FBLN1: variants seen among roughly 807,000 people sequenced by gnomAD.
FBLN1 encodes the protein fibulin 1.
A neutral mutation model predicts 89.7 loss-of-function variants in FBLN1; 34 were observed. The ratio of observed to expected loss-of-function variants is 0.38; its 90% CI spans 0.29 to 0.50. The LOEUF is 0.50. Ranked by LOEUF, FBLN1 falls within the 20% of genes least tolerant of loss-of-function variation. FBLN1 has a pLI of 0.92. For synonymous variants in FBLN1, 393 were observed against 391.3 expected (o/e 1.00, Z -0.05); for missense variants, 777 against 988.1 (o/e 0.79, Z 2.86).
Position 45,580,950 on chromosome 22 carries a change from G to A in FBLN1, c.1972+3842G>A, listed in dbSNP as rs979802111. ...GCCCCCTTGCATTCCTCTTTAACCG[G>A]CTGTCAAAGAAAAATGAAGAATGCG... On this transcript the variant is annotated intron_variant, in intron 16 of 16. Coordinates refer to ENST00000327858, the MANE Select transcript of FBLN1 (RefSeq NM_006486.3). The surrounding 1 kb of genome is among the most constrained non-coding windows in gnomAD (Gnocchi z 8.6). Among the ~76,000 whole-genome samples the A allele has an allele frequency of 1.3e-5, 2 of 152,180 alleles. No individual in the cohort carries two copies. Among genetic ancestry groups the A allele is most frequent in the East Asian group, 3.9e-4 (2 of 5,190 alleles).
In FBLN1 at chr22:45,578,305, C is replaced by T. The variant is rs1047361369; in HGVS notation, c.1972+1197C>T. 6.6e-6 allele frequency: 1 copy of T among 152,238 alleles called. No individual in the cohort carries two copies. The highest frequency in any genetic ancestry group is 1.5e-5 in the Non-Finnish European group (1 of 68,030). 9.4% of individuals were successfully genotyped at this position (152,238 alleles called of 1,614,324 possible). A position where few individuals can be genotyped will look rare whatever the true frequency, so the allele number is the denominator to read the frequency against. ...CTTGCCAAAGAGCCATTTATAGCACCTTTACAAGCTTTTAAATGGGTTTGC... is the reference window on the plus strand; with the variant it reads ...CTTGCCAAAGAGCCATTTATAGCACTTTTACAAGCTTTTAAATGGGTTTGC... On this transcript the variant is annotated intron_variant, in intron 16 of 16. Coordinates refer to ENST00000327858, the MANE Select transcript of FBLN1 (RefSeq NM_006486.3). This position sits in a 1 kb window ranked among gnomAD's most constrained non-coding sequence, Gnocchi z 4.6.
At chr22:45,569,118 G>A (rs183816025) in intron 14 of FBLN1, among the ~76,000 whole-genome samples, 1 of 152,256 alleles carries the variant, frequency 6.6e-6, no homozygotes, top group East Asian at 1.9e-4. Context: ...TGAGGTACTG[G>A]GGATGGAACT....
At chr22:45,564,768 C>A (rs983886480) in intron 14 of FBLN1, 1 of 1,257,050 alleles carries the variant, frequency 8.0e-7, no homozygotes, top group Non-Finnish European at 1.1e-6. Context: ...TGCAAGACAT[C>A]TCGCGTGCAG....
In FBLN1 at chr22:45,530,196, C is replaced by G. The variant is rs1294976588; in HGVS notation, c.485-1069C>G. On this transcript the variant is annotated intron_variant, in intron 4 of 16. Coordinates refer to ENST00000327858, the MANE Select transcript of FBLN1 (RefSeq NM_006486.3). This position sits in a 1 kb window ranked among gnomAD's most constrained non-coding sequence, Gnocchi z 5.4. The stretch of plus-strand genomic sequence containing the variant: ...TGCCTCATTCCTTGGCTTTTGAAAT[C>G]AGAGACGACATTTTCACTTTAAACA... Among the ~76,000 whole-genome samples, 2 of 151,888 alleles carry G rather than the reference C, an allele frequency of 1.3e-5. No individual in the cohort carries two copies. The highest frequency in any genetic ancestry group is 2.4e-5 in the African/African-American group (1 of 41,332).
rs577556885 is a variant in FBLN1 at position 45,583,182 on chromosome 22, C to A, written c.1972+6074C>A. 1.7e-3 allele frequency among the ~76,000 whole-genome samples: 254 copies of A among 152,302 alleles called. No individual in the cohort carries two copies. The highest frequency in any genetic ancestry group is 1.8e-3 in the Non-Finnish European group (123 of 68,018). On this transcript the variant is annotated intron_variant, in intron 16 of 16. Coordinates refer to ENST00000327858, the MANE Select transcript of FBLN1 (RefSeq NM_006486.3). The surrounding 1 kb of genome is among the most constrained non-coding windows in gnomAD (Gnocchi z 4.5). ...AGCCAGCAAGTTGGAGCTGCACTGC[C>A]CAAGCAGGTCCTTTAGTCAGCTCTC...
At chr22:45,560,999 T>G (rs1325257030) in intron 14 of FBLN1, among the ~76,000 whole-genome samples, 6 of 152,122 alleles carry the variant, frequency 3.9e-5, no homozygotes. Context: ...TTGCCACTAC[T>G]GGGGATGGGG....
chr22:45,517,300 C>G (rs1297422745), intron 1 of FBLN1: 1 of 312,624 alleles, frequency 3.2e-6, no homozygotes, highest in African/African-American at 2.3e-5. Context: ...TTCTGCCCAG[C>G]AGCTGGGGCT....
At chr22:45,503,502 T>TG (rs1179254066) in intron 1 of FBLN1, 1 of 153,168 alleles carries the variant, frequency 6.5e-6, no homozygotes, top group Non-Finnish European at 1.5e-5. Context: ...TAGGAGCTGT[T>TG]GTACCCAGCT....
chr22:45,508,606 G>T (rs911441878), intron 1 of FBLN1, among the ~76,000 whole-genome samples: 1 of 152,106 alleles, frequency 6.6e-6, no homozygotes, highest in African/African-American at 2.4e-5. Context: ...GTCTAGTTCA[G>T]GGGGGGATGC....
intron 6 of FBLN1, among the ~76,000 whole-genome samples, chr22:45,533,442 C>T (rs980608877): frequency 6.6e-6 from 1 of 152,240 alleles, no homozygotes; most frequent in African/African-American, 2.4e-5. Flanking sequence ...TGGCCTTGGG[C>T]ACATCCTTCA....
chr22:45,510,052 A>C (rs1319694093), intron 1 of FBLN1, among the ~76,000 whole-genome samples: 1 of 152,082 alleles, frequency 6.6e-6, no homozygotes, highest in Non-Finnish European at 1.5e-5. Context: ...TTCTGATCAC[A>C]TGCCTTTACT....
chr22:45,508,660 C>T (rs2088058354), intron 1 of FBLN1, among the ~76,000 whole-genome samples: 1 of 152,172 alleles, frequency 6.6e-6, no homozygotes, highest in African/African-American at 2.4e-5. Context: ...ATGAGCTTTA[C>T]AGTCAGAGCT....
chr22:45,542,736 C>T (rs1157782097), intron 10 of FBLN1, among the ~76,000 whole-genome samples: 1 of 152,218 alleles, frequency 6.6e-6, no homozygotes, highest in Non-Finnish European at 1.5e-5. Flanking sequence ...AACCTAGGTG[C>T]TCAGGGAAGC....
rs1418254979 is a variant in FBLN1 at position 45,537,291 on chromosome 22, A to T, written c.922+1954A>T. Among the ~76,000 whole-genome samples the T allele has an allele frequency of 6.6e-6, 1 of 152,090 alleles. No homozygotes were observed. The highest frequency in any genetic ancestry group is 1.5e-5 in the Non-Finnish European group (1 of 68,006). ...GGTTTGGAGAGAGAGCTCTTCCCCC[A>T]CTGCATTATTTTTAACCACTGAGAT... On this transcript the variant is annotated intron_variant, in intron 8 of 16. Coordinates refer to ENST00000327858, the MANE Select transcript of FBLN1 (RefSeq NM_006486.3). This position sits in a 1 kb window ranked among gnomAD's most constrained non-coding sequence, Gnocchi z 5.7.
Position 45,563,067 on chromosome 22 carries a change from A to T in FBLN1, c.1698-11444A>T. The T allele has an allele frequency of 6.2e-7, 1 of 1,613,318 alleles. No individual in the cohort carries two copies. The highest frequency in any genetic ancestry group is 8.5e-7 in the Non-Finnish European group (1 of 1,179,918). On this transcript the variant is annotated intron_variant, in intron 14 of 16. Coordinates refer to ENST00000327858, the MANE Select transcript of FBLN1 (RefSeq NM_006486.3). The surrounding 1 kb of genome is among the most constrained non-coding windows in gnomAD (Gnocchi z 5.7). ...AGTGCTGTCCCCGGGGACAGCATGC[A>T]GCTGGCCATCACCGGCGGCAATGAG...
chr22:45,530,202 C>A lies in FBLN1; in HGVS notation c.485-1063C>A, dbSNP rs1045563950. On this transcript the variant is annotated intron_variant, in intron 4 of 16. Coordinates refer to ENST00000327858, the MANE Select transcript of FBLN1 (RefSeq NM_006486.3). The surrounding 1 kb of genome is among the most constrained non-coding windows in gnomAD (Gnocchi z 5.4). The stretch of plus-strand genomic sequence containing the variant: ...ATTCCTTGGCTTTTGAAATCAGAGA[C>A]GACATTTTCACTTTAAACAAACCCA... Among the ~76,000 whole-genome samples the A allele has an allele frequency of 6.6e-6, 1 of 151,686 alleles. No homozygotes were observed. The highest frequency in any genetic ancestry group is 6.6e-5 in the Admixed American group (1 of 15,196).
At chr22:45,516,114 G>A (rs1316555074) in intron 1 of FBLN1, among the ~76,000 whole-genome samples, 1 of 152,200 alleles carries the variant, frequency 6.6e-6, no homozygotes, top group Non-Finnish European at 1.5e-5. Context: ...TGCAGGGTGG[G>A]CAGGCAGGCG....
In FBLN1 at chr22:45,600,820, G is replaced by T; in HGVS notation, c.*374G>T. ...TTCTTGCCCTGATTGTATGAAATTT[G>T]ACATTTTGGCACTTTTTTTTTTTTT... On this transcript the variant is annotated 3_prime_UTR_variant, in exon 17 of 17. Transcript: ENST00000327858. 2 of 294,490 alleles carry T rather than the reference G, an allele frequency of 6.8e-6. No homozygotes were observed. The highest frequency in any genetic ancestry group is 3.5e-5 in the South Asian group (1 of 28,344). 18.2% of individuals were successfully genotyped at this position (294,490 alleles called of 1,614,324 possible).
chr22:45,535,493 A>G (rs1448827461), intron 8 of FBLN1, 156 bp downstream of exon 8: 2 of 835,684 alleles, frequency 2.4e-6, no homozygotes, highest in Non-Finnish European at 3.9e-6. Flanking sequence ...TAGAGCAAAT[A>G]CTTTAGCCGT....
Sources: allele counts gnomAD v4.1 joint callset (sites outside exome capture counted in the v4.1 genomes callset), GRCh38; gene constraint gnomAD v4.1.1; non-coding constraint Gnocchi (gnomAD v3.1); transcripts MANE v1.5; gene names NCBI Gene and HGNC (gene_info 2026-07-23, HGNC 2026-07-21).